ASB14: variants seen among roughly 807,000 people sequenced by gnomAD.
The protein encoded by ASB14 is ankyrin repeat and SOCS box protein 14.
A neutral mutation model predicts 55.6 loss-of-function variants in ASB14; 63 were observed. The ratio of observed to expected loss-of-function variants is 1.13; its 90% CI spans 0.92 to 1.40. The LOEUF is 1.40. Among genes scored for constraint, ASB14 ranks in the 40% most tolerant of loss-of-function variants. The pLI, the probability that ASB14 is intolerant of heterozygous loss-of-function variation, is 0.00. For missense variants in ASB14, 724 were observed against 710.4 expected, an observed-to-expected ratio of 1.02 and a Z score of -0.22; for synonymous variants, 256 against 259.9, an observed-to-expected ratio of 0.98 and a Z score of 0.15.
intron 10 of ASB14, chr3:57,271,343 A>AAAACATACAG (rs1386839723): frequency 6.6e-6 from 1 of 152,646 alleles, no homozygotes; most frequent in Non-Finnish European, 1.5e-5. Flanking sequence ...TTATGTTACC[A>AAAACATACAG]AAACATACAG....
chr3:57,278,849 C>T lies in ASB14; in HGVS notation c.959G>A (p.Cys320Tyr), dbSNP rs764874147. 21 of 1,613,764 alleles carry T rather than the reference C, an allele frequency of 1.3e-5. No individual in the cohort carries two copies. Among genetic ancestry groups the T allele is most frequent in the Non-Finnish European group, 1.7e-5 (20 of 1,179,968 alleles). ...IKQSGISPVH[C>Y]AAAGAHPQCL... ...CTGAGGATGTGCTCCTGCTGCTGCA[C>T]AGTGAACTGGACTGATCCCACTCTG... Residue 320 changes from cysteine (C) to tyrosine (Y), a missense_variant, in exon 8 of 11, where the codon TGT becomes TAT. Physicochemically the swap from Cys to Tyr is radical, Grantham distance 194. Coordinates refer to ENST00000487349, the MANE Select transcript of ASB14 (RefSeq NM_001142733.3).
At chr3:57,290,224 G>T (rs1195464532) in intron 2 of ASB14, among the ~76,000 whole-genome samples, 2 of 152,144 alleles carry the variant, frequency 1.3e-5, no homozygotes, top group Non-Finnish European at 2.9e-5. Flanking sequence ...TGTCAGCAGG[G>T]CTCTGTTCCT....
intron 5 of ASB14, among the ~76,000 whole-genome samples, chr3:57,283,717 A>G (rs921660144): frequency 2.0e-5 from 3 of 152,156 alleles, no homozygotes; most frequent in African/African-American, 7.2e-5. Context: ...ACTTATCTTT[A>G]TTCTTCAAGA....
intron 6 of ASB14, among the ~76,000 whole-genome samples, chr3:57,281,789 T>C (rs191650976): frequency 1.3e-5 from 2 of 152,322 alleles, no homozygotes; most frequent in East Asian, 3.9e-4. Flanking sequence ...ATACAGTTAT[T>C]CTAGACCCAG....
At chr3:57,288,707 CCTTT>C (rs1157950492) in intron 3 of ASB14, among the ~76,000 whole-genome samples, 1 of 83,490 alleles carries the variant, frequency 1.2e-5, no homozygotes, top group Non-Finnish European at 2.3e-5. Flanking sequence ...TCATATCTTT[CCTTT>C]TTTTTTTTTT....
chr3:57,281,110 C>A (rs2061037599), intron 6 of ASB14, among the ~76,000 whole-genome samples: 1 of 152,186 alleles, frequency 6.6e-6, no homozygotes, highest in African/African-American at 2.4e-5. Flanking sequence ...ATTATACTTA[C>A]AAGTCCCAAA....
chr3:57,279,509 G>A (rs557352749), intron 7 of ASB14, among the ~76,000 whole-genome samples: 243 of 152,032 alleles, frequency 1.6e-3, no homozygotes, highest in African/African-American at 5.7e-3. Context: ...GACCATCCTG[G>A]CCAACATGGT....
At chr3:57,288,121 T>C (rs1221830779) in intron 4 of ASB14, 34 bp downstream of exon 4, 12 of 1,535,956 alleles carry the variant, frequency 7.8e-6, no homozygotes, top group Non-Finnish European at 1.0e-5. Flanking sequence ...AATTTATCTC[T>C]CAGAAGCATC....
intron 10 of ASB14, chr3:57,271,131 C>G (rs1344941451): frequency 6.6e-6 from 1 of 152,238 alleles, no homozygotes; most frequent in Admixed American, 6.6e-5. Context: ...AGGGAAAAAG[C>G]CTTTTTTTTT....
chr3:57,274,903 G>A (rs574396404), intron 10 of ASB14, among the ~76,000 whole-genome samples: 1 of 152,174 alleles, frequency 6.6e-6, no homozygotes, highest in South Asian at 2.1e-4. Flanking sequence ...GGAAAGAAGG[G>A]ACACACATTT....
intron 10 of ASB14, chr3:57,269,963 AT>A (rs1191815120): frequency 1.3e-5 from 3 of 234,176 alleles, no homozygotes; most frequent in Non-Finnish European, 1.6e-5. Flanking sequence ...TTGCTCAAGA[AT>A]TTTTTCCGTC....
rs932128920 is a variant in ASB14 at position 57,291,440 on chromosome 3, ACT to A, written c.122+470_122+471del. 4.4e-4 allele frequency among the ~76,000 whole-genome samples: 66 copies of A among 151,682 alleles called. 1 individual carries two copies. Among genetic ancestry groups the A allele is most frequent in the African/African-American group, 1.6e-3 (65 of 41,346 alleles). ...TCCTTTTTCAGTGTTGTCCAACAAA[ACT>A]CTGAATCTACACTTTCAGAAGCCTT... is the stretch of plus-strand genomic sequence containing the variant. On this transcript the variant is annotated intron_variant, in intron 2 of 10. Transcript: ENST00000487349.
At position 57,269,154 on chromosome 3, in the gene ASB14, C is replaced by T. The variant is rs2060916880; in HGVS notation, c.*487G>A. On this transcript the variant is annotated 3_prime_UTR_variant, in exon 11 of 11. Transcript: ENST00000487349. ...TAGGCGAGGCTGAGGGAAGGTGACA[C>T]CTGATTTAGCAAAGATGAATTGGAC... 1 of 159,972 alleles carries T rather than the reference C, an allele frequency of 6.3e-6. No individual in the cohort carries two copies. Among genetic ancestry groups the T allele is most frequent in the Non-Finnish European group, 1.4e-5 (1 of 73,530 alleles). 9.9% of individuals were successfully genotyped at this position (159,972 alleles called of 1,614,324 possible).
In ASB14 at chr3:57,278,418, T is replaced by C. The variant is rs548893613; in HGVS notation, c.1390A>G (p.Thr464Ala). 1.1e-5 allele frequency: 17 copies of C among 1,614,046 alleles called. No individual in the cohort carries two copies. In the East Asian group the frequency reaches 3.3e-4, roughly 32 times the overall value. The change falls in exon 8 of 11, where the codon ACT becomes GCT. Residue 464 changes from threonine (T) to alanine (A), a missense_variant. Physicochemically the swap from Thr to Ala is moderately conservative, Grantham distance 58. Coordinates refer to ENST00000487349, the MANE Select transcript of ASB14 (RefSeq NM_001142733.3). ...PHGDKVHPSY[T>A]VEGWTSTVIK... is the part of the protein sequence containing the mutation. Reference sequence around the variant, plus strand: ...ACTGTAGATGTCCAGCCTTCAACAGTATAGGAAGGATGGACTTTGTCTCCA... The same window carrying C: ...ACTGTAGATGTCCAGCCTTCAACAGCATAGGAAGGATGGACTTTGTCTCCA...
chr3:57,276,665 TG>T lies in ASB14; in HGVS notation c.1648del (p.His550IlefsTer17). The T allele has an allele frequency of 6.2e-7, 1 of 1,614,050 alleles. No homozygotes were observed. Among genetic ancestry groups the T allele is most frequent in the Non-Finnish European group, 8.5e-7 (1 of 1,179,960 alleles). On this transcript the variant is annotated frameshift_variant, in exon 10 of 11. Transcript: ENST00000487349. LOFTEE classifies it high-confidence loss of function. The stretch of plus-strand genomic sequence containing the variant: ...TGACATGAAGACAGGGCAGCGCAAA[TG>T]TAACCGTCCCATGCATTTCCGGATC... ...LKIRKCMGRLHLRCPVFMSFL... is the reference protein window; with the variant it reads ...LKIRKCMGRLXLRCPVFMSFL...
In ASB14 at chr3:57,280,286, T is replaced by G; in HGVS notation, c.887+16A>C. The G allele has an allele frequency of 6.6e-7, 1 of 1,508,664 alleles. No homozygotes were observed. The highest frequency in any genetic ancestry group is 8.9e-7 in the Non-Finnish European group (1 of 1,119,146). The allele number at this position is 1,508,664 out of a possible 1,614,324, so 93.5% of individuals were successfully genotyped here. On this transcript the variant is annotated intron_variant, in intron 7 of 10. Transcript: ENST00000487349. ...TTACTGTTTTTATTATTTATAATAA[T>G]GTAATTGAACTTAACAGTAAGTGGC...
At chr3:57,273,208 T>C in intron 10 of ASB14, 1 of 152,802 alleles carries the variant, frequency 6.5e-6, no homozygotes, top group African/African-American at 2.4e-5. Flanking sequence ...GATTTTGTAA[T>C]GTAAGTGAAT....
At chr3:57,285,897 G>GT (rs1156388297) in intron 5 of ASB14, among the ~76,000 whole-genome samples, 12 of 152,050 alleles carry the variant, frequency 7.9e-5, no homozygotes, top group Middle Eastern at 3.2e-3. Flanking sequence ...TGGATCTTCT[G>GT]TTTTCTGGAT....
At chr3:57,290,165 T>C (rs138725388) in intron 2 of ASB14, among the ~76,000 whole-genome samples, 1 of 152,262 alleles carries the variant, frequency 6.6e-6, no homozygotes, top group Non-Finnish European at 1.5e-5. Flanking sequence ...TATCTTACAG[T>C]TTAGTAGTTC....
Sources: allele counts gnomAD v4.1 joint callset (sites outside exome capture counted in the v4.1 genomes callset), GRCh38; gene constraint gnomAD v4.1.1; transcripts MANE v1.5; gene names NCBI Gene and HGNC (gene_info 2026-07-23, HGNC 2026-07-21).